Variants in NCOA2 observed in about 807,000 individuals in gnomAD.
NCOA2 encodes the protein nuclear receptor coactivator 2, also known as class E basic helix-loop-helix protein 75.
NCOA2 carries 21 observed loss-of-function variants against 145.1 expected under a neutral mutation model. The observed-to-expected ratio is 0.14, with a 90% CI of 0.10 to 0.21. The LOEUF (loss-of-function observed/expected upper bound fraction) is 0.21. Ranked by LOEUF, NCOA2 falls within the 10% of genes least tolerant of loss-of-function variation. NCOA2 has a pLI of 1.00. For synonymous variants in NCOA2, 619 were observed against 637.5 expected (o/e 0.97, Z 0.44); for missense variants, 1,472 against 1,837.6 (o/e 0.80, Z 3.64).
At chr8:70,292,069 C>A (rs1586391632) in intron 2 of NCOA2, among the ~76,000 whole-genome samples, 2 of 136,824 alleles carry the variant, frequency 1.5e-5, no homozygotes, top group African/African-American at 2.9e-5. Flanking sequence ...AGCGAGACGC[C>A]GTCTCAAAAA....
intron 2 of NCOA2, among the ~76,000 whole-genome samples, chr8:70,266,370 T>G (rs1412722703): frequency 6.6e-6 from 1 of 152,216 alleles, no homozygotes; most frequent in African/African-American, 2.4e-5. Context: ...TTTGGTAATG[T>G]CACTTGTTAG....
intron 4 of NCOA2, among the ~76,000 whole-genome samples, chr8:70,201,049 CAAAAAA>C (rs60951750): frequency 3.4e-4 from 22 of 63,934 alleles, no homozygotes; most frequent in East Asian, 9.6e-4. Context: ...GACTGTGTCT[CAAAAAA>C]AAAAAAAAAA....
Position 70,113,647 on chromosome 8 carries a change from T to C in NCOA2, c.4384-4A>G, listed in dbSNP as rs750129002. The C allele has an allele frequency of 3.9e-6, 6 of 1,551,572 alleles. No individual in the cohort carries two copies. Among genetic ancestry groups the C allele is most frequent in the South Asian group, 2.4e-5 (2 of 84,064 alleles). On this transcript the variant is annotated splice_polypyrimidine_tract_variant and splice_region_variant and intron_variant, in intron 22 of 22. Coordinates refer to ENST00000452400, the MANE Select transcript of NCOA2 (RefSeq NM_006540.4). ...TTCAGCAGTGTCAGCAATATTTCTG[T>C]AGGAAAACAGATAAAAAGTTGTGAA...
chr8:70,277,084 C>G (rs1357327618), intron 2 of NCOA2, among the ~76,000 whole-genome samples: 3 of 152,166 alleles, frequency 2.0e-5, no homozygotes, highest in African/African-American at 7.2e-5. Flanking sequence ...TTCCCCAGTC[C>G]CAACCATGGG....
At chr8:70,450,573 C>CTTTTTTTTTTTTTTT in the NCOA2 span, among the ~76,000 whole-genome samples, 186 of 94,622 alleles carry the variant, frequency 2.0e-3, 10 homozygotes, top group African/African-American at 3.6e-3. Flanking sequence ...TCTTTTTATT[C>CTTTTTTTTTTTTTTT]TTTTTTTTTT....
chr8:70,382,166 A>T (rs1812251261), intron 1 of NCOA2, among the ~76,000 whole-genome samples: 1 of 152,100 alleles, frequency 6.6e-6, no homozygotes, highest in African/African-American at 2.4e-5. Flanking sequence ...AACAGCCAAC[A>T]TATGGTCTGG....
At chr8:70,285,588 CCTA>C (rs1457826112) in intron 2 of NCOA2, among the ~76,000 whole-genome samples, 9 of 152,240 alleles carry the variant, frequency 5.9e-5, no homozygotes, top group African/African-American at 2.2e-4. Flanking sequence ...GCACTCTATG[CCTA>C]CTACATTATT....
At chr8:70,160,686 A>AGAGAGAGAGAGAGG (rs1554579008) in intron 9 of NCOA2, among the ~76,000 whole-genome samples, 2 of 147,790 alleles carry the variant, frequency 1.4e-5, no homozygotes, top group African/African-American at 2.7e-5. Flanking sequence ...AGAGAGGGAG[A>AGAGAGAGAGAGAGG]GAGAGAGAGA....
At chr8:70,260,424 C>T (rs1013583849) in intron 2 of NCOA2, among the ~76,000 whole-genome samples, 1 of 152,034 alleles carries the variant, frequency 6.6e-6, no homozygotes, top group East Asian at 1.9e-4. Context: ...GCATGAGGCA[C>T]CACGTCTGGC....
At chr8:70,194,179 C>A (rs1817004716) in intron 4 of NCOA2, among the ~76,000 whole-genome samples, 1 of 152,108 alleles carries the variant, frequency 6.6e-6, no homozygotes, top group African/African-American at 2.4e-5. Flanking sequence ...GGCAAAGATG[C>A]AATTTCATAT....
At chr8:70,444,583 T>C in the NCOA2 span, among the ~76,000 whole-genome samples, 170 of 152,336 alleles carry the variant, frequency 1.1e-3, no homozygotes, top group Non-Finnish European at 1.9e-3. Context: ...GGTGATATTG[T>C]ACTATAATTA....
At chr8:70,250,536 C>T (rs1586253473) in intron 2 of NCOA2, among the ~76,000 whole-genome samples, 1 of 152,010 alleles carries the variant, frequency 6.6e-6, no homozygotes, top group East Asian at 1.9e-4. Flanking sequence ...TGCCACTGCA[C>T]TCCAGCCTGG....
intron 4 of NCOA2, among the ~76,000 whole-genome samples, chr8:70,189,861 T>G (rs977714347): frequency 1.3e-5 from 2 of 152,216 alleles, no homozygotes; most frequent in African/African-American, 4.8e-5. Flanking sequence ...AAAAAGGTTT[T>G]TCTTTATTTA....
chr8:70,235,282 G>A (rs1411036769), intron 2 of NCOA2, among the ~76,000 whole-genome samples: 1 of 152,122 alleles, frequency 6.6e-6, no homozygotes, highest in African/African-American at 2.4e-5. Context: ...ATTATCAGGG[G>A]CTGGGGAGTG....
At position 70,113,478 on chromosome 8, in the gene NCOA2, A is replaced by C. The variant is rs891995232; in HGVS notation, c.*154T>G. On this transcript the variant is annotated 3_prime_UTR_variant, in exon 23 of 23. Coordinates refer to ENST00000452400, the MANE Select transcript of NCOA2 (RefSeq NM_006540.4). Reference sequence around the variant, plus strand: ...AGCTCCTCCTGCCACAGCCGAGTGGACGCCACCCTGGGAACCAGGGCCAGG... The same window carrying C: ...AGCTCCTCCTGCCACAGCCGAGTGGCCGCCACCCTGGGAACCAGGGCCAGG... 5.2e-6 allele frequency: 4 copies of C among 768,356 alleles called. No individual in the cohort carries two copies. The African/African-American group carries it at 7.0e-5, about 14-fold the overall frequency. 47.6% of individuals were successfully genotyped at this position (768,356 alleles called of 1,614,324 possible). A position where few individuals can be genotyped will look rare whatever the true frequency, so the allele number is the denominator to read the frequency against.
At chr8:70,333,050 T>C (rs575446153) in intron 1 of NCOA2, among the ~76,000 whole-genome samples, 1 of 152,340 alleles carries the variant, frequency 6.6e-6, no homozygotes, top group South Asian at 2.1e-4. Flanking sequence ...GGGGTCTCAA[T>C]GATAGTGGCA....
upstream of NCOA2, among the ~76,000 whole-genome samples, chr8:70,408,391 G>A (rs180715244): frequency 2.3e-4 from 35 of 152,198 alleles, no homozygotes; most frequent in African/African-American, 7.2e-4. Flanking sequence ...ATTTTAAAAT[G>A]CCATTTACAA....
At chr8:70,235,804 A>G (rs1187150847) in intron 2 of NCOA2, among the ~76,000 whole-genome samples, 1 of 152,206 alleles carries the variant, frequency 6.6e-6, no homozygotes, top group African/African-American at 2.4e-5. Flanking sequence ...TGATCGCACC[A>G]CTATGCTCCA....
At chr8:70,292,769 A>T (rs1163616517) in intron 2 of NCOA2, among the ~76,000 whole-genome samples, 4 of 152,226 alleles carry the variant, frequency 2.6e-5, no homozygotes, top group African/African-American at 9.6e-5. Flanking sequence ...GTGCTGAATG[A>T]TTTAGTTTAA....
Sources: gnomAD v4.1 joint callset for allele counts (sites outside exome capture counted in the v4.1 genomes callset) on GRCh38, gnomAD v4.1.1 for gene constraint, MANE v1.5 for transcripts, NCBI Gene and HGNC (gene_info 2026-07-23, HGNC 2026-07-21) for gene names.